The following MAP7D2 variants were observed in gnomAD, a reference collection of about 807,000 sequenced individuals.
MAP7D2 encodes MAP7 domain-containing protein 2.
Under a neutral mutation model 63.5 loss-of-function variants are expected in MAP7D2, and 33 were observed. The ratio of observed to expected loss-of-function variants is 0.52; its 90% CI spans 0.39 to 0.70. The LOEUF is 0.70. Among genes scored for constraint, MAP7D2 ranks in the 30% least tolerant of loss-of-function variants. The probability of loss-of-function intolerance (pLI) is 0.00; values close to 1 mark genes in which losing one functional copy is unlikely to be tolerated. For synonymous variants in MAP7D2, 224 were observed against 223.7 expected (o/e 1.00, Z -0.01); for missense variants, 626 against 604.0 (o/e 1.04, Z -0.38).
chrX:20,094,522 A>ATATATG (rs2066177097), intron 1 of MAP7D2, among the ~76,000 whole-genome samples: 1 of 13,915 alleles, frequency 7.2e-5, no homozygotes, highest in Non-Finnish European at 1.0e-4. Flanking sequence ...ATATGTATAT[A>ATATATG]TATATATATA....
intron 1 of MAP7D2, among the ~76,000 whole-genome samples, chrX:20,101,413 C>G (rs1260637381): frequency 8.9e-6 from 1 of 112,100 alleles, no homozygotes; most frequent in African/African-American, 3.2e-5. Context: ...AAACTAGAAA[C>G]AAGCTAACTG....
At chrX:20,082,561 A>G (rs772544184) in intron 1 of MAP7D2, among the ~76,000 whole-genome samples, 2 of 112,409 alleles carry the variant, frequency 1.8e-5, no homozygotes, top group East Asian at 5.6e-4. Flanking sequence ...CATAATTCTT[A>G]AACAAGGACA....
At chrX:20,063,317 G>C in intron 3 of MAP7D2, 97 bp downstream of exon 3, 1 of 972,528 alleles carries the variant, frequency 1.0e-6, no homozygotes, top group South Asian at 2.4e-5. Context: ...TGCACGGCAG[G>C]TCTCTCTCCT....
At chrX:20,092,629 G>C (rs987908114) in intron 1 of MAP7D2, among the ~76,000 whole-genome samples, 1 of 111,890 alleles carries the variant, frequency 8.9e-6, no homozygotes, top group Non-Finnish European at 1.9e-5. Context: ...GTTGGAGGTA[G>C]GTAGTCACTC....
At chrX:20,018,169 T>A (rs973704722) in intron 10 of MAP7D2, among the ~76,000 whole-genome samples, 9 of 110,283 alleles carry the variant, frequency 8.2e-5, no homozygotes, top group Non-Finnish European at 1.7e-4. Context: ...TTTCACCATG[T>A]TGGTCAGGCT....
intron 1 of MAP7D2, among the ~76,000 whole-genome samples, chrX:20,096,258 C>T (rs1180695475): frequency 9.1e-5 from 9 of 98,815 alleles, no homozygotes; most frequent in African/African-American, 3.3e-4. Flanking sequence ...GAGACCCTGT[C>T]CTTTTTTTTT....
chrX:20,091,526 C>T (rs776901995), intron 1 of MAP7D2, among the ~76,000 whole-genome samples: 1 of 109,614 alleles, frequency 9.1e-6, no homozygotes, highest in South Asian at 4.0e-4. Flanking sequence ...AAAAATTAGC[C>T]AGGCATGGTG....
chrX:20,046,426 T>C (rs1335049352), intron 6 of MAP7D2, among the ~76,000 whole-genome samples: 2 of 112,839 alleles, frequency 1.8e-5, no homozygotes, highest in Non-Finnish European at 3.7e-5. Context: ...CTTTCAGCCA[T>C]CCCTGACAGA....
intron 8 of MAP7D2, among the ~76,000 whole-genome samples, chrX:20,037,446 A>G (rs905671894): frequency 1.8e-5 from 2 of 111,401 alleles, no homozygotes; most frequent in African/African-American, 6.5e-5. Context: ...GTTCCCTATG[A>G]TCAGTTGACA....
intron 1 of MAP7D2, among the ~76,000 whole-genome samples, chrX:20,115,493 C>A (rs1414388212): frequency 1.8e-5 from 2 of 111,785 alleles, no homozygotes; most frequent in East Asian, 5.5e-4. Context: ...CTAGCAGATG[C>A]AGCTTGAGTG....
intron 2 of MAP7D2, 111 bp from the exon 3 acceptor site, chrX:20,063,688 A>G: frequency 2.4e-6 from 2 of 839,962 alleles, no homozygotes; most frequent in African/African-American, 2.0e-5. Flanking sequence ...GCCTGGTAGG[A>G]TCCTAGCATG....
chrX:20,047,191 G>A (rs961409991), intron 6 of MAP7D2, among the ~76,000 whole-genome samples: 1 of 112,683 alleles, frequency 8.9e-6, no homozygotes, highest in Non-Finnish European at 1.9e-5. Flanking sequence ...ACCTGGGACT[G>A]AGCTGAATTA....
At chrX:20,018,615 G>A (rs776637378) in intron 10 of MAP7D2, among the ~76,000 whole-genome samples, 37 of 108,745 alleles carry the variant, frequency 3.4e-4, no homozygotes, top group Non-Finnish European at 5.0e-4. Context: ...GCTAATTTTT[G>A]TAGTTTTAGT....
At position 20,013,586 on chromosome X, in the gene MAP7D2, C is replaced by T. The variant is rs770514231; in HGVS notation, c.1789G>A (p.Val597Met). 5.0e-6 allele frequency: 6 copies of T among 1,195,244 alleles called. No individual in the cohort carries two copies. In the South Asian group the frequency reaches 9.1e-5, roughly 18 times the overall value. ...ATTCCTACCTTCACTTGTGGAGACA[C>T]ATCACTTTTCCTTGTTCTCTTCATG... is the stretch of plus-strand genomic sequence containing the variant. ...EIMKRTRKSD[V>M]SPQVKKEDPK... is the part of the protein sequence containing the mutation. The change falls in exon 13 of 17, where the codon GTG becomes ATG. Residue 597 changes from valine to methionine, a missense_variant. Coordinates refer to ENST00000379643, the MANE Select transcript of MAP7D2 (RefSeq NM_001168465.2).
intron 1 of MAP7D2, 94 bp downstream of exon 1, chrX:20,116,656 C>A: frequency 1.9e-6 from 2 of 1,042,154 alleles, no homozygotes; most frequent in Non-Finnish European, 2.5e-6. Context: ...GCCCCTTCCC[C>A]CCACGCTCGA....
intron 1 of MAP7D2, among the ~76,000 whole-genome samples, chrX:20,115,220 T>C (rs1603412938): frequency 2.1e-5 from 2 of 97,499 alleles, no homozygotes; most frequent in Admixed American, 2.3e-4. Flanking sequence ...CTCCTCCCCT[T>C]CCCCAATTTT....
intron 8 of MAP7D2, among the ~76,000 whole-genome samples, chrX:20,027,033 G>C (rs1363149639): frequency 2.7e-5 from 3 of 112,380 alleles, no homozygotes; most frequent in African/African-American, 9.7e-5. Context: ...CAGAGGCTTA[G>C]AGTTACCAAA....
chrX:20,070,976 C>T (rs1479313044), intron 1 of MAP7D2, among the ~76,000 whole-genome samples: 6 of 112,230 alleles, frequency 5.3e-5, no homozygotes, highest in African/African-American at 1.9e-4. Flanking sequence ...AAAAATTAAT[C>T]ACATTAAATG....
intron 5 of MAP7D2, among the ~76,000 whole-genome samples, chrX:20,051,878 A>C (rs1183827816): frequency 8.9e-6 from 1 of 112,503 alleles, no homozygotes; most frequent in African/African-American, 3.2e-5. Flanking sequence ...TGAATGTATT[A>C]TATATGGCAA....
Sources: gnomAD v4.1 joint callset for allele counts (sites outside exome capture counted in the v4.1 genomes callset) on GRCh38, gnomAD v4.1.1 for gene constraint, MANE v1.5 for transcripts, NCBI Gene and HGNC (gene_info 2026-07-23, HGNC 2026-07-21) for gene names.